EFCAB5: variants seen among roughly 807,000 people sequenced by gnomAD.
EFCAB5 encodes the protein EF-hand calcium binding domain 5, also known as EF-hand calcium-binding domain-containing protein 5.
EFCAB5 carries 131 observed loss-of-function variants against 167.9 expected under a neutral mutation model. The ratio of observed to expected loss-of-function variants is 0.78; its 90% CI spans 0.68 to 0.90. EFCAB5 has a LOEUF of 0.90. EFCAB5 is among the 40% of genes least tolerant of loss of function. EFCAB5 has a pLI of 0.00. For missense variants in EFCAB5, 1,663 were observed against 1,745.2 expected (o/e 0.95, Z 0.84); for synonymous variants, 574 against 602.8 (o/e 0.95, Z 0.70).
At chr17:30,004,787 ATTT>A (rs60231360) in intron 7 of EFCAB5, among the ~76,000 whole-genome samples, 1 of 115,114 alleles carries the variant, frequency 8.7e-6, no homozygotes, top group African/African-American at 3.5e-5. Context: ...CTCCTGGCTA[ATTT>A]TTTTTTTTTT....
Position 30,059,612 on chromosome 17 carries a change from G to A in EFCAB5, c.2648G>A (p.Ser883Asn), listed in dbSNP as rs189419806. 1.2e-6 allele frequency: 2 copies of A among 1,612,132 alleles called. No individual in the cohort carries two copies. The highest frequency in any genetic ancestry group is 1.7e-5 in the Admixed American group (1 of 59,994). ...GAAGCCATCTTTCAGAAGTGGGACA[G>A]TGATGGCTCAGGCTTCCTGGATCTG... Reference protein sequence around the residue: ...LLEAIFQKWDSDGSGFLDLKE... With the variant: ...LLEAIFQKWDNDGSGFLDLKE... Residue 883 changes from serine to asparagine, a missense_variant, in exon 14 of 23, where the codon AGT becomes AAT. By Grantham distance (46) the Ser-to-Asn change is conservative. Transcript: ENST00000394835.
Position 30,082,910 on chromosome 17 carries a change from G to C in EFCAB5, c.3446G>C (p.Ser1149Thr), listed in dbSNP as rs982556390. 1 of 1,613,524 alleles carries C rather than the reference G, an allele frequency of 6.2e-7. No homozygotes were observed. Among genetic ancestry groups the C allele is most frequent in the African/African-American group, 1.3e-5 (1 of 74,848 alleles). ...RFYQGVANVF[S>T]TAYHYVHSRE... ...CTACAGGGTGTTGCTAATGTCTTTA[G>C]CACTGCCTATCACTACGTCCACAGC... The change falls in exon 18 of 23, where the codon AGC (serine) becomes ACC (threonine). Residue 1149 changes from serine to threonine, a missense_variant. Ser to Thr is a moderately conservative substitution (Grantham distance 58, BLOSUM62 1). Transcript: ENST00000394835.
In EFCAB5 at chr17:29,956,548, A is replaced by G. The variant is rs886359579; in HGVS notation, c.191-12243A>G. On this transcript the variant is annotated intron_variant, in intron 3 of 22. Coordinates refer to ENST00000394835, the MANE Select transcript of EFCAB5 (RefSeq NM_198529.4). ...CTCACACTCAGCTACTTGTTACAACAGTAGGTTATGGTCTTTTTACACATC... is the reference window on the plus strand; with the variant it reads ...CTCACACTCAGCTACTTGTTACAACGGTAGGTTATGGTCTTTTTACACATC... Among the ~76,000 whole-genome samples the G allele has an allele frequency of 5.3e-5, 8 of 152,378 alleles. No individual in the cohort carries two copies. In the South Asian group the frequency reaches 6.2e-4, roughly 12 times the overall value.
At chr17:30,021,366 TATAA>T (rs1244418966) in intron 7 of EFCAB5, among the ~76,000 whole-genome samples, 1 of 147,886 alleles carries the variant, frequency 6.8e-6, no homozygotes, top group Non-Finnish European at 1.5e-5. Flanking sequence ...TATGTAAATA[TATAA>T]ATATTTTTAC....
chr17:30,045,373 G>A (rs1250755916), intron 8 of EFCAB5, among the ~76,000 whole-genome samples: 1 of 149,530 alleles, frequency 6.7e-6, no homozygotes, highest in South Asian at 2.1e-4. Context: ...CAGGAAAATC[G>A]ATTGAACCCG....
In EFCAB5 at chr17:29,970,665, CACAT is replaced by C. The variant is rs1304018177; in HGVS notation, c.767+1302_767+1305del. Reference sequence around the variant, plus strand: ...ACACACACACACACACACACACACACACATACACACACACACACACACACACACC... The same window carrying C: ...ACACACACACACACACACACACACACACACACACACACACACACACACACC... On this transcript the variant is annotated intron_variant, in intron 4 of 22. Transcript: ENST00000394835. 5.8e-3 allele frequency among the ~76,000 whole-genome samples: 837 copies of C among 143,478 alleles called. 7 individuals carry two copies. The highest frequency in any genetic ancestry group is 0.018 in the African/African-American group (625 of 35,004). 94.1% of individuals were successfully genotyped at this position (143,478 alleles called of 152,430 possible). A position where few individuals can be genotyped will look rare whatever the true frequency, so the allele number is the denominator to read the frequency against.
chr17:30,046,832 G>A (rs1033763613), intron 8 of EFCAB5, among the ~76,000 whole-genome samples: 1 of 152,162 alleles, frequency 6.6e-6, no homozygotes, highest in Non-Finnish European at 1.5e-5. Flanking sequence ...AGATCCACCT[G>A]TACAACATTC....
At chr17:29,954,774 C>T (rs969094055) in intron 3 of EFCAB5, among the ~76,000 whole-genome samples, 1 of 152,140 alleles carries the variant, frequency 6.6e-6, no homozygotes, top group Non-Finnish European at 1.5e-5. Context: ...CCTGGAAAAG[C>T]CAGAGACGTT....
intron 6 of EFCAB5, among the ~76,000 whole-genome samples, chr17:29,999,595 A>G (rs2068618616): frequency 6.6e-6 from 1 of 152,188 alleles, no homozygotes; most frequent in Non-Finnish European, 1.5e-5. Flanking sequence ...ACCTGCTAGC[A>G]TAAACCAACA....
intron 14 of EFCAB5, among the ~76,000 whole-genome samples, chr17:30,075,353 G>A (rs1234861589): frequency 6.6e-6 from 1 of 152,100 alleles, no homozygotes; most frequent in East Asian, 1.9e-4. Context: ...CCAAGTGGAT[G>A]CCCTTTACAT....
In EFCAB5 at chr17:30,053,661, C is replaced by A. The variant is rs766173243; in HGVS notation, c.1707C>A (p.His569Gln). 6.2e-7 allele frequency: 1 copy of A among 1,613,944 alleles called. No homozygotes were observed. Among genetic ancestry groups the A allele is most frequent in the South Asian group, 1.1e-5 (1 of 91,082 alleles). ...SRRLLTEQET[H>Q]RESTTEQGQH... is the part of the protein sequence containing the mutation. ...GGTTACTGACAGAACAAGAAACACA[C>A]AGAGAGTCAACTACAGAACAAGGAC... Residue 569 changes from histidine (H) to glutamine (Q), a missense_variant, in exon 10 of 23, where the codon CAC (histidine) becomes CAA (glutamine). Physicochemically the swap from His to Gln is conservative, Grantham distance 24. Transcript: ENST00000394835.
rs761836070 is a variant in EFCAB5 at position 30,078,377 on chromosome 17, G to A, written c.2900G>A (p.Arg967Lys). The A allele has an allele frequency of 6.2e-7, 1 of 1,614,020 alleles. No homozygotes were observed. The highest frequency in any genetic ancestry group is 1.3e-5 in the African/African-American group (1 of 75,054). ...GAATTTCTGATGAATGCTTTAGAGAGGAGCCACATTGAGAGTCTGAGGAAT... is the reference window on the plus strand; with the variant it reads ...GAATTTCTGATGAATGCTTTAGAGAAGAGCCACATTGAGAGTCTGAGGAAT... ...VVEFLMNALE[R>K]SHIESLRNSA... is the part of the protein sequence containing the mutation. Residue 967 changes from arginine to lysine, a missense_variant, in exon 15 of 23, where the codon AGG (arginine) becomes AAG (lysine). Arg to Lys is a conservative substitution (Grantham distance 26). Transcript: ENST00000394835.
At chr17:30,079,927 T>A in intron 15 of EFCAB5, 145 bp from the exon 16 acceptor site, 1 of 919,328 alleles carries the variant, frequency 1.1e-6, no homozygotes, top group East Asian at 2.7e-5. Flanking sequence ...TTTTCCCCAC[T>A]GCCCATGAAT....
chr17:30,040,379 C>G (rs964281954), intron 8 of EFCAB5, among the ~76,000 whole-genome samples: 1 of 152,196 alleles, frequency 6.6e-6, no homozygotes, highest in African/African-American at 2.4e-5. Flanking sequence ...ATCAGTCCAC[C>G]CTTATCCATC....
intron 3 of EFCAB5, among the ~76,000 whole-genome samples, chr17:29,956,042 G>T (rs1267834657): frequency 6.6e-6 from 1 of 152,114 alleles, no homozygotes; most frequent in African/African-American, 2.4e-5. Flanking sequence ...CTTTGACAAA[G>T]CTGACAAAAA....
chr17:30,051,026 T>C (rs1015148689), intron 8 of EFCAB5, 92 bp from the exon 9 acceptor site: 6 of 914,100 alleles, frequency 6.6e-6, no homozygotes, highest in Non-Finnish European at 6.9e-6. Flanking sequence ...GTGGTGATAG[T>C]GATGATAAAA....
chr17:30,102,805 C>T (rs767907199), intron 22 of EFCAB5, among the ~76,000 whole-genome samples: 5 of 151,450 alleles, frequency 3.3e-5, no homozygotes, highest in Admixed American at 6.6e-5. Context: ...AAGAAAAATA[C>T]CAAAGGACTA....
chr17:30,078,846 T>C (rs535242121), intron 15 of EFCAB5, among the ~76,000 whole-genome samples: 9 of 152,332 alleles, frequency 5.9e-5, no homozygotes, highest in Admixed American at 5.9e-4. Context: ...GTACAAGCAG[T>C]TCAAGCTACA....
chr17:29,956,292 G>A (rs1040680970), intron 3 of EFCAB5, among the ~76,000 whole-genome samples: 3 of 152,166 alleles, frequency 2.0e-5, no homozygotes, highest in Non-Finnish European at 4.4e-5. Context: ...ATTGAACAAA[G>A]AACAATTCAG....
Sources: allele counts gnomAD v4.1 joint callset (sites outside exome capture counted in the v4.1 genomes callset), GRCh38; gene constraint gnomAD v4.1.1; transcripts MANE v1.5; gene names NCBI Gene and HGNC (gene_info 2026-07-23, HGNC 2026-07-21).